IGSF11: variants seen among roughly 807,000 people sequenced by gnomAD.
The protein encoded by IGSF11 is CXADR like 1.
A neutral mutation model predicts 41.0 loss-of-function variants in IGSF11; 22 were observed. The observed-to-expected ratio is 0.54, with a 90% CI of 0.38 to 0.77. The LOEUF (loss-of-function observed/expected upper bound fraction) is 0.77. Ranked by LOEUF, IGSF11 falls within the 30% of genes least tolerant of loss-of-function variation. IGSF11 has a pLI of 0.00. For missense variants in IGSF11, 444 were observed against 530.8 expected, an observed-to-expected ratio of 0.84 and a Z score of 1.61; for synonymous variants, 219 against 201.3, an observed-to-expected ratio of 1.09 and a Z score of -0.74.
At chr3:119,001,195 A>C (rs1315208794) in intron 1 of IGSF11, among the ~76,000 whole-genome samples, 1 of 150,126 alleles carries the variant, frequency 6.7e-6, no homozygotes, top group Non-Finnish European at 1.5e-5. Flanking sequence ...ATGTTATGTT[A>C]AATTATAATA....
chr3:119,065,021 C>T (rs952122862), intron 1 of IGSF11, among the ~76,000 whole-genome samples: 3 of 152,050 alleles, frequency 2.0e-5, no homozygotes, highest in African/African-American at 7.2e-5. Context: ...TATTGTACTT[C>T]CTGAGACCTC....
At chr3:119,047,457 T>C (rs375379016) in intron 1 of IGSF11, among the ~76,000 whole-genome samples, 2 of 152,166 alleles carry the variant, frequency 1.3e-5, no homozygotes, top group Non-Finnish European at 2.9e-5. Context: ...CTATCCTAAA[T>C]ATATATGCAC....
chr3:118,961,133 G>A (rs894361012), intron 1 of IGSF11, among the ~76,000 whole-genome samples: 1 of 152,236 alleles, frequency 6.6e-6, no homozygotes, highest in African/African-American at 2.4e-5. Flanking sequence ...GAGGGGGAGG[G>A]CTTTGGTCCA....
intron 1 of IGSF11, among the ~76,000 whole-genome samples, chr3:118,990,211 C>T (rs947536903): frequency 6.6e-6 from 1 of 152,224 alleles, no homozygotes; most frequent in Admixed American, 6.5e-5. Flanking sequence ...ATTGTTCTGA[C>T]AGCAGTGTGG....
intron 1 of IGSF11, among the ~76,000 whole-genome samples, chr3:119,027,969 C>G (rs1013570846): frequency 2.0e-5 from 3 of 152,240 alleles, no homozygotes; most frequent in Middle Eastern, 6.8e-3. Flanking sequence ...AGTACTGCAG[C>G]CTCTGTTTTT....
intron 1 of IGSF11, among the ~76,000 whole-genome samples, chr3:118,938,483 A>T (rs1943445560): frequency 1.3e-5 from 2 of 152,184 alleles, no homozygotes; most frequent in African/African-American, 4.8e-5. Flanking sequence ...CCCTTATTTA[A>T]AACTAAGCAA....
intron 4 of IGSF11, among the ~76,000 whole-genome samples, chr3:118,906,426 T>C (rs1018067502): frequency 6.6e-6 from 1 of 151,904 alleles, no homozygotes; most frequent in Non-Finnish European, 1.5e-5. Context: ...AGATGGGGAG[T>C]CCCTGAGCCA....
At chr3:118,938,632 T>G (rs1299123483) in intron 1 of IGSF11, among the ~76,000 whole-genome samples, 1 of 152,196 alleles carries the variant, frequency 6.6e-6, no homozygotes, top group Non-Finnish European at 1.5e-5. Context: ...AGCAATTCCT[T>G]GAACATGAGT....
At chr3:118,914,002 G>A (rs922560848) in intron 4 of IGSF11, among the ~76,000 whole-genome samples, 1 of 152,096 alleles carries the variant, frequency 6.6e-6, no homozygotes, top group African/African-American at 2.4e-5. Flanking sequence ...AAGGATTAGG[G>A]AAAATGGAAG....
chr3:118,909,012 G>T (rs1465835855), intron 4 of IGSF11, among the ~76,000 whole-genome samples: 1 of 152,182 alleles, frequency 6.6e-6, no homozygotes, highest in Non-Finnish European at 1.5e-5. Flanking sequence ...TAAATGAAAG[G>T]TTAGTATAGT....
chr3:118,928,739 T>C, intron 2 of IGSF11, 23 bp from the exon 3 acceptor site: 1 of 1,567,626 alleles, frequency 6.4e-7, no homozygotes, highest in Non-Finnish European at 8.7e-7. Flanking sequence ...GCAAAATAAA[T>C]AAACTGGCCA....
At chr3:118,975,197 AAAATT>A (rs1933933918) in intron 1 of IGSF11, among the ~76,000 whole-genome samples, 1 of 152,230 alleles carries the variant, frequency 6.6e-6, no homozygotes, top group African/African-American at 2.4e-5. Flanking sequence ...CTTGAACAAA[AAAATT>A]AAAATAAAAT....
intron 1 of IGSF11, among the ~76,000 whole-genome samples, chr3:119,030,966 T>C (rs1342604779): frequency 6.6e-6 from 1 of 152,148 alleles, no homozygotes; most frequent in East Asian, 1.9e-4. Flanking sequence ...CTAAATAAAC[T>C]AGTTATGGGG....
intron 1 of IGSF11, among the ~76,000 whole-genome samples, chr3:119,042,537 G>A (rs897020675): frequency 6.6e-6 from 1 of 152,142 alleles, no homozygotes; most frequent in African/African-American, 2.4e-5. Flanking sequence ...ATGCAGCAGA[G>A]GCAGCCATAA....
At chr3:118,995,831 T>A (rs1041635352) in intron 1 of IGSF11, among the ~76,000 whole-genome samples, 2 of 152,040 alleles carry the variant, frequency 1.3e-5, no homozygotes, top group African/African-American at 4.8e-5. Context: ...TTTTTTTTAT[T>A]TTTAGTAGAC....
intron 1 of IGSF11, among the ~76,000 whole-genome samples, chr3:119,145,548 G>GT (rs1298447859): frequency 3.9e-5 from 6 of 152,014 alleles, no homozygotes; most frequent in Non-Finnish European, 8.8e-5. Flanking sequence ...CCTCTCTGCT[G>GT]TAAGACCACT....
chr3:119,044,614 T>C (rs749765983), intron 1 of IGSF11, among the ~76,000 whole-genome samples: 15 of 152,234 alleles, frequency 9.9e-5, no homozygotes, highest in Non-Finnish European at 1.6e-4. Flanking sequence ...AGTCAACAGG[T>C]TATCTAATAT....
chr3:118,959,796 C>T (rs1319128368), intron 1 of IGSF11, among the ~76,000 whole-genome samples: 1 of 152,020 alleles, frequency 6.6e-6, no homozygotes, highest in Admixed American at 6.6e-5. Context: ...CACCTGTAAT[C>T]CAGCACTTTG....
intron 1 of IGSF11, among the ~76,000 whole-genome samples, chr3:118,990,582 C>CAT (rs1319051315): frequency 6.6e-6 from 1 of 152,110 alleles, no homozygotes; most frequent in Non-Finnish European, 1.5e-5. Flanking sequence ...CATAGATTCA[C>CAT]ATATATATAA....
Sources: gnomAD v4.1 joint callset for allele counts (sites outside exome capture counted in the v4.1 genomes callset) on GRCh38, gnomAD v4.1.1 for gene constraint, MANE v1.5 for transcripts, NCBI Gene and HGNC (gene_info 2026-07-23, HGNC 2026-07-21) for gene names.